The following MTUS2 variants were observed in gnomAD, a reference collection of about 807,000 sequenced individuals.
The protein encoded by MTUS2 is microtubule associated scaffold protein 2.
Under a neutral mutation model 114.1 loss-of-function variants are expected in MTUS2, and 40 were observed. The ratio of observed to expected loss-of-function variants is 0.35; its 90% CI spans 0.27 to 0.46. The LOEUF is 0.46. Ranked by LOEUF, MTUS2 falls within the 20% of genes least tolerant of loss-of-function variation. The pLI, the probability that MTUS2 is intolerant of heterozygous loss-of-function variation, is 1.00. For synonymous variants in MTUS2, 688 were observed against 672.0 expected (o/e 1.02, Z -0.37); for missense variants, 1,679 against 1,705.4 (o/e 0.98, Z 0.27).
intron 2 of MTUS2, among the ~76,000 whole-genome samples, chr13:29,022,836 T>G (rs1886350325): frequency 6.6e-6 from 1 of 152,246 alleles, no homozygotes; most frequent in Non-Finnish European, 1.5e-5. Context: ...GCATATCCTG[T>G]GTAGATTTTA....
At chr13:29,389,461 GTATGTGTA>G (rs1246214347) in intron 8 of MTUS2, among the ~76,000 whole-genome samples, 8 of 50,112 alleles carry the variant, frequency 1.6e-4, no homozygotes, top group Admixed American at 4.7e-4. Flanking sequence ...ACACGTGTGT[GTATGTGTA>G]TATGTATACA....
chr13:29,325,362 A>AGTTCAAG (rs1900437777), intron 7 of MTUS2, among the ~76,000 whole-genome samples: 1 of 151,802 alleles, frequency 6.6e-6, no homozygotes, highest in Non-Finnish European at 1.5e-5. Context: ...AGGCTGAGGC[A>AGTTCAAG]GGAGAATCAC....
chr13:29,454,046 A>G lies in MTUS2; in HGVS notation c.3184+13997A>G, dbSNP rs143285947. 1.7e-3 allele frequency among the ~76,000 whole-genome samples: 265 copies of G among 152,374 alleles called. 1 individual carries two copies. The highest frequency in any genetic ancestry group is 6.2e-3 in the African/African-American group (259 of 41,600). ...TATATAAACTGCAGTGTATGTTTATATAGTAGTCAAGTCTCTTTTTGATAA... is the reference window on the plus strand; with the variant it reads ...TATATAAACTGCAGTGTATGTTTATGTAGTAGTCAAGTCTCTTTTTGATAA... On this transcript the variant is annotated intron_variant, in intron 9 of 15. Transcript: ENST00000612955.
At chr13:29,176,971 T>C (rs550154510) in intron 5 of MTUS2, among the ~76,000 whole-genome samples, 1 of 150,904 alleles carries the variant, frequency 6.6e-6, no homozygotes, top group Non-Finnish European at 1.5e-5. Context: ...CGTAGAGAGA[T>C]TGTAGGGAGA....
chr13:29,484,451 G>C (rs925830147), intron 10 of MTUS2, among the ~76,000 whole-genome samples: 3 of 152,228 alleles, frequency 2.0e-5, no homozygotes, highest in Admixed American at 6.5e-5. Context: ...GGAGGAGGCG[G>C]TGCAGTGGAG....
At chr13:29,212,176 C>T (rs574085268) in intron 5 of MTUS2, among the ~76,000 whole-genome samples, 1 of 152,186 alleles carries the variant, frequency 6.6e-6, no homozygotes, top group South Asian at 2.1e-4. Context: ...TTCAGATTTC[C>T]CTTTTTGATT....
At chr13:29,224,778 T>C (rs900624964) in intron 5 of MTUS2, among the ~76,000 whole-genome samples, 1 of 105,768 alleles carries the variant, frequency 9.5e-6, no homozygotes, top group Admixed American at 9.7e-5. Flanking sequence ...TGCTACTGTT[T>C]CTCTTTTTCC....
At chr13:28,855,718 A>G (rs1305040052) in intron 2 of MTUS2, among the ~76,000 whole-genome samples, 2 of 152,208 alleles carry the variant, frequency 1.3e-5, no homozygotes, top group Admixed American at 1.3e-4. Context: ...TATTGTGAAT[A>G]GTCCCGTACT....
intron 5 of MTUS2, among the ~76,000 whole-genome samples, chr13:29,246,043 T>C (rs1019075145): frequency 6.6e-6 from 1 of 152,112 alleles, no homozygotes; most frequent in Non-Finnish European, 1.5e-5. Context: ...ATCCCGGTCA[T>C]AGAAAATGAT....
At chr13:29,279,318 TGG>T (rs998539541) in intron 5 of MTUS2, among the ~76,000 whole-genome samples, 2 of 152,172 alleles carry the variant, frequency 1.3e-5, no homozygotes, top group African/African-American at 4.8e-5. Context: ...GTAAATTTCC[TGG>T]GTTGTTCAGG....
chr13:29,161,159 C>T (rs1893079484), intron 5 of MTUS2, among the ~76,000 whole-genome samples: 1 of 152,148 alleles, frequency 6.6e-6, no homozygotes, highest in Non-Finnish European at 1.5e-5. Context: ...TATGCGTGCA[C>T]ACACGTGCAT....
At position 29,149,732 on chromosome 13, in the gene MTUS2, G is replaced by A. The variant is rs150386700; in HGVS notation, c.2644+48762G>A. On this transcript the variant is annotated intron_variant, in intron 5 of 15. Transcript: ENST00000612955. ...AGAAGGGGCCTGGTTTCAATATTCT[G>A]GCTAGCTAGTTCTTCCAGCACCATT... is the stretch of plus-strand genomic sequence containing the variant. Among the ~76,000 whole-genome samples, 321 of 152,138 alleles carry A rather than the reference G, an allele frequency of 2.1e-3. 2 individuals carry two copies. The highest frequency in any genetic ancestry group is 3.7e-3 in the Non-Finnish European group (249 of 67,972).
At chr13:28,947,493 A>G (rs2138158983) in intron 2 of MTUS2, among the ~76,000 whole-genome samples, 1 of 152,340 alleles carries the variant, frequency 6.6e-6, no homozygotes, top group Admixed American at 6.5e-5. Flanking sequence ...ATATTCATTT[A>G]CACGGGGTCT....
intron 8 of MTUS2, among the ~76,000 whole-genome samples, chr13:29,402,282 A>G (rs1012354865): frequency 3.3e-5 from 5 of 152,120 alleles, no homozygotes; most frequent in African/African-American, 1.2e-4. Flanking sequence ...CAAGAACTCT[A>G]CCAAATAGCA....
chr13:29,269,459 G>A lies in MTUS2; in HGVS notation c.2645-12245G>A, dbSNP rs544150043. On this transcript the variant is annotated intron_variant, in intron 5 of 15. Coordinates refer to ENST00000612955, the MANE Select transcript of MTUS2 (RefSeq NM_001033602.4). ...AATAACAAAGGTAAGAAAATGATAC[G>A]AAGCCAGAGTTAACATCAGCACATC... Among the ~76,000 whole-genome samples the A allele has an allele frequency of 4.9e-4, 75 of 152,220 alleles. 2 individuals carry two copies. The highest frequency in any genetic ancestry group is 2.1e-3 in the South Asian group (10 of 4,814).
At position 28,899,957 on chromosome 13, in the gene MTUS2, G is replaced by A. The variant is rs184228814; in HGVS notation, c.-243+60107G>A. 9.2e-4 allele frequency among the ~76,000 whole-genome samples: 139 copies of A among 151,896 alleles called. 1 individual carries two copies. The highest frequency in any genetic ancestry group is 3.3e-3 in the African/African-American group (136 of 41,422). On this transcript the variant is annotated intron_variant, in intron 2 of 15. Coordinates refer to ENST00000612955, the MANE Select transcript of MTUS2 (RefSeq NM_001033602.4). ...GGCTGGAGTGCAACGGCAGGATCTC[G>A]ACTCACTGCAACCTCTGCCTCCAGG...
chr13:28,981,693 C>T (rs925117530), intron 2 of MTUS2, among the ~76,000 whole-genome samples: 16 of 152,284 alleles, frequency 1.1e-4, no homozygotes, highest in South Asian at 8.3e-4. Flanking sequence ...AGCTGAGTGG[C>T]GCTTGGCAAT....
Position 28,883,840 on chromosome 13 carries a change from A to G in MTUS2, c.-243+43990A>G, listed in dbSNP as rs1435257065. ...AAATTGTAGTGAGATACTTCTTCAC[A>G]CCCATTATAATGGCAATTATTTAGA... On this transcript the variant is annotated intron_variant, in intron 2 of 15. Coordinates refer to ENST00000612955, the MANE Select transcript of MTUS2 (RefSeq NM_001033602.4). Among the ~76,000 whole-genome samples, 3 of 152,210 alleles carry G rather than the reference A, an allele frequency of 2.0e-5. No homozygotes were observed. In the East Asian group the frequency reaches 5.8e-4, roughly 29 times the overall value.
intron 2 of MTUS2, among the ~76,000 whole-genome samples, chr13:28,872,723 C>T (rs1388107538): frequency 6.6e-6 from 1 of 152,070 alleles, no homozygotes; most frequent in Non-Finnish European, 1.5e-5. Context: ...CCGGGGAGGG[C>T]ATTAATCTAT....
Sources: gnomAD v4.1 joint callset for allele counts (sites outside exome capture counted in the v4.1 genomes callset) on GRCh38, gnomAD v4.1.1 for gene constraint, MANE v1.5 for transcripts, NCBI Gene and HGNC (gene_info 2026-07-23, HGNC 2026-07-21) for gene names.